The following SAMMSON variants were observed in gnomAD, a reference collection of about 807,000 sequenced individuals.
SAMMSON encodes the protein long intergenic non-protein coding RNA 1212.
At chr3:70,213,731 T>C (rs1168723905) in intron 4 of SAMMSON, among the ~76,000 whole-genome samples, 1 of 152,174 alleles carries the variant, frequency 6.6e-6, no homozygotes, top group African/African-American at 2.4e-5. Flanking sequence ...GATTATACTC[T>C]CTGCAGCTTG....
intron 6 of SAMMSON, among the ~76,000 whole-genome samples, chr3:70,260,905 A>T (rs1701860006): frequency 6.6e-6 from 1 of 152,126 alleles, no homozygotes; most frequent in Non-Finnish European, 1.5e-5. Context: ...GATCAGGACC[A>T]ATATACTTCT....
rs545571383 is a variant in SAMMSON at position 70,289,723 on chromosome 3, A to T, written n.675-1456A>T. ...AATCAGACCTAGATTTGGTCTTTTC[A>T]CATAGTCCCATATTTCTTGGAGGGT... On this transcript the variant is annotated intron_variant and non_coding_transcript_variant, in intron 6 of 9. Coordinates refer to ENST00000642114, the Ensembl canonical transcript of SAMMSON. Among the ~76,000 whole-genome samples, 3 of 152,124 alleles carry T rather than the reference A, an allele frequency of 2.0e-5. No individual in the cohort carries two copies. The South Asian group carries it at 6.2e-4, about 32-fold the overall frequency.
chr3:70,052,096 T>C (rs961886337), intron 3 of SAMMSON, among the ~76,000 whole-genome samples: 1 of 152,040 alleles, frequency 6.6e-6, no homozygotes, highest in Non-Finnish European at 1.5e-5. Context: ...AGGACCTGTC[T>C]CAAAAACAAA....
At chr3:70,250,516 T>A (rs1409856233) in intron 6 of SAMMSON, among the ~76,000 whole-genome samples, 2 of 152,012 alleles carry the variant, frequency 1.3e-5, no homozygotes, top group African/African-American at 4.8e-5. Context: ...CTTTGAGCTT[T>A]TAGATAAATA....
chr3:70,177,407 G>T (rs1701016363), intron 4 of SAMMSON, among the ~76,000 whole-genome samples: 1 of 152,156 alleles, frequency 6.6e-6, no homozygotes, highest in Non-Finnish European at 1.5e-5. Context: ...ATAAAAATAT[G>T]CTCTCTCTGA....
intron 3 of SAMMSON, among the ~76,000 whole-genome samples, chr3:70,038,368 G>C (rs1055380449): frequency 6.6e-6 from 1 of 152,002 alleles, no homozygotes; most frequent in East Asian, 1.9e-4. Flanking sequence ...TGATATCTTT[G>C]CACATGCCCC....
intron 7 of SAMMSON, among the ~76,000 whole-genome samples, chr3:70,313,316 T>A (rs951259571): frequency 6.6e-6 from 1 of 150,540 alleles, no homozygotes; most frequent in Non-Finnish European, 1.5e-5. Context: ...AAAATTTAAA[T>A]TTTTTTTTTA....
chr3:70,115,001 A>G (rs1307159850), intron 4 of SAMMSON, among the ~76,000 whole-genome samples: 7 of 152,112 alleles, frequency 4.6e-5, no homozygotes, highest in African/African-American at 1.7e-4. Flanking sequence ...GAAAGGGACC[A>G]AATCTTACAT....
intron 4 of SAMMSON, among the ~76,000 whole-genome samples, chr3:70,108,334 G>A (rs2067374947): frequency 6.6e-6 from 1 of 150,806 alleles, no homozygotes; most frequent in South Asian, 2.1e-4. Flanking sequence ...CTAGGTTTAC[G>A]CAGGCAATAT....
At chr3:70,226,286 T>C (rs1430921395) in intron 4 of SAMMSON, among the ~76,000 whole-genome samples, 1 of 152,202 alleles carries the variant, frequency 6.6e-6, no homozygotes, top group Non-Finnish European at 1.5e-5. Context: ...TGCTCTTCAA[T>C]GTGTGAGAGG....
chr3:70,273,502 C>T (rs1304052038), intron 6 of SAMMSON, among the ~76,000 whole-genome samples: 5 of 152,104 alleles, frequency 3.3e-5, no homozygotes, highest in African/African-American at 1.2e-4. Context: ...AAACAGTAAA[C>T]TCCAGATAAT....
intron 4 of SAMMSON, among the ~76,000 whole-genome samples, chr3:70,143,505 C>T (rs1335189984): frequency 6.6e-6 from 1 of 152,122 alleles, no homozygotes; most frequent in Non-Finnish European, 1.5e-5. Flanking sequence ...TGCCAATCTA[C>T]TCTCTATTCT....
intron 4 of SAMMSON, among the ~76,000 whole-genome samples, chr3:70,156,271 G>C (rs1173853717): frequency 3.3e-5 from 5 of 151,998 alleles, no homozygotes; most frequent in African/African-American, 1.2e-4. Flanking sequence ...ACATAATAAT[G>C]AATTTGAATT....
chr3:70,154,314 G>A (rs2067583279), intron 4 of SAMMSON, among the ~76,000 whole-genome samples: 1 of 151,992 alleles, frequency 6.6e-6, no homozygotes, highest in Admixed American at 6.6e-5. Context: ...TACAAAAGTG[G>A]TCTATTATCT....
At chr3:70,115,757 A>G (rs890934046) in intron 4 of SAMMSON, among the ~76,000 whole-genome samples, 5 of 152,182 alleles carry the variant, frequency 3.3e-5, no homozygotes, top group African/African-American at 7.2e-5. Context: ...TTTCTCATTG[A>G]AATGAATAAA....
At chr3:70,300,641 C>T (rs1702338024) in intron 7 of SAMMSON, among the ~76,000 whole-genome samples, 2 of 152,000 alleles carry the variant, frequency 1.3e-5, no homozygotes, top group African/African-American at 2.4e-5. Context: ...CTAGTTATTT[C>T]TCCCAGTTGT....
chr3:70,065,185 A>G (rs922797305), intron 3 of SAMMSON: 2 of 152,000 alleles, frequency 1.3e-5, no homozygotes, highest in Non-Finnish European at 2.9e-5. Flanking sequence ...ATTTATTATC[A>G]TGTAGTTATT....
intron 4 of SAMMSON, among the ~76,000 whole-genome samples, chr3:70,156,324 G>A (rs1014705724): frequency 6.6e-6 from 1 of 151,976 alleles, no homozygotes; most frequent in African/African-American, 2.4e-5. Context: ...TGTGGTCTCA[G>A]TTATTTTTTC....
intron 2 of SAMMSON, among the ~76,000 whole-genome samples, chr3:70,406,528 C>A (rs1292284844): frequency 6.6e-6 from 1 of 151,878 alleles, no homozygotes; most frequent in Non-Finnish European, 1.5e-5. Context: ...AAATAGCAAC[C>A]ATATATTAGG....
Sources: gnomAD v4.1 joint callset for allele counts (sites outside exome capture counted in the v4.1 genomes callset) on GRCh38, gnomAD v4.1.1 for gene constraint, MANE v1.5 for transcripts, NCBI Gene and HGNC (gene_info 2026-07-23, HGNC 2026-07-21) for gene names.